The following CRADD variants were observed in gnomAD, a reference collection of about 807,000 sequenced individuals.
CRADD encodes death domain-containing protein CRADD.
Under a neutral mutation model 15.5 loss-of-function variants are expected in CRADD, and 9 were observed. That is an observed-to-expected ratio of 0.58 (90% confidence interval 0.35 to 1.01). The LOEUF (loss-of-function observed/expected upper bound fraction) is 1.01. CRADD is among the 50% of genes least tolerant of loss of function. The probability of loss-of-function intolerance (pLI) is 0.02; values close to 1 mark genes in which losing one functional copy is unlikely to be tolerated. For synonymous variants in CRADD, 118 were observed against 107.6 expected, an observed-to-expected ratio of 1.10 and a Z score of -0.60; for missense variants, 227 against 250.3, an observed-to-expected ratio of 0.91 and a Z score of 0.63.
chr12:93,751,811 C>T (rs1198382418), intron 2 of CRADD, among the ~76,000 whole-genome samples: 1 of 152,198 alleles, frequency 6.6e-6, no homozygotes, highest in East Asian at 1.9e-4. Context: ...TGTAGTGAGC[C>T]AGGATCGTGC....
chr12:93,862,320 C>T (rs1300522015), intron 2 of CRADD, among the ~76,000 whole-genome samples: 3 of 152,124 alleles, frequency 2.0e-5, no homozygotes, highest in African/African-American at 4.8e-5. Context: ...TATCATACAC[C>T]CCGAGGATAA....
At chr12:93,788,988 C>T (rs535809565) in intron 2 of CRADD, among the ~76,000 whole-genome samples, 8 of 152,062 alleles carry the variant, frequency 5.3e-5, no homozygotes, top group Non-Finnish European at 8.8e-5. Context: ...TTCTACAGTT[C>T]TTAGCTCTTT....
intron 2 of CRADD, among the ~76,000 whole-genome samples, chr12:93,731,316 C>G (rs1283596339): frequency 2.0e-5 from 3 of 152,130 alleles, no homozygotes; most frequent in Non-Finnish European, 4.4e-5. Flanking sequence ...AACATCTCAA[C>G]TTGAAGATTA....
chr12:93,724,656 G>A (rs1465944545), intron 2 of CRADD, among the ~76,000 whole-genome samples: 1 of 152,050 alleles, frequency 6.6e-6, no homozygotes, highest in African/African-American at 2.4e-5. Context: ...TTCTCTTTCA[G>A]GGTGCTGTTT....
At position 93,795,304 on chromosome 12, in the gene CRADD, C is replaced by T. The variant is rs1189668930; in HGVS notation, c.299-54666C>T. On this transcript the variant is annotated intron_variant, in intron 2 of 2. Transcript: ENST00000332896. ...GTGCAGTTTTATCCCACGCTTCTTCCCCATCCCTAAGTTCCTGCTCATCTG... is the reference window on the plus strand; with the variant it reads ...GTGCAGTTTTATCCCACGCTTCTTCTCCATCCCTAAGTTCCTGCTCATCTG... Among the ~76,000 whole-genome samples the T allele has an allele frequency of 2.0e-5, 3 of 152,270 alleles. No individual in the cohort carries two copies. In the East Asian group the frequency reaches 5.8e-4, roughly 29 times the overall value.
rs959747996 is a variant in CRADD at position 93,807,502 on chromosome 12, C to T, written c.299-42468C>T. On this transcript the variant is annotated intron_variant, in intron 2 of 2. Transcript: ENST00000332896. ...GGCAGCCAGCCCTCCAGCTGATGAC[C>T]AGAGACATTTATTATCTACCATGTG... Among the ~76,000 whole-genome samples the T allele has an allele frequency of 2.6e-5, 4 of 152,090 alleles. 1 individual carries two copies. The highest frequency in any genetic ancestry group is 4.1e-4 in the South Asian group (2 of 4,830).
At chr12:93,709,725 C>G (rs1297022340) in intron 2 of CRADD, among the ~76,000 whole-genome samples, 3 of 152,126 alleles carry the variant, frequency 2.0e-5, no homozygotes, top group African/African-American at 7.2e-5. Context: ...GGTGAACATT[C>G]ATGTGTGTGT....
At chr12:93,723,441 C>T (rs982670781) in intron 2 of CRADD, among the ~76,000 whole-genome samples, 24 of 152,136 alleles carry the variant, frequency 1.6e-4, no homozygotes, top group South Asian at 4.1e-4. Flanking sequence ...TCTTTTGGCC[C>T]GCACCCAGGA....
chr12:93,701,102 A>G (rs992375262), intron 2 of CRADD, among the ~76,000 whole-genome samples: 1 of 152,190 alleles, frequency 6.6e-6, no homozygotes, highest in African/African-American at 2.4e-5. Context: ...AATTAATTTC[A>G]GACATTTTTA....
downstream of CRADD, among the ~76,000 whole-genome samples, chr12:93,855,416 G>T (rs968284188): frequency 6.6e-6 from 1 of 152,176 alleles, no homozygotes; most frequent in Non-Finnish European, 1.5e-5. Flanking sequence ...GCAGGGAGGC[G>T]AAAAGATTAC....
rs369650011 is a variant in CRADD, at chr12:93,742,893, G to C, written c.298+63821G>C. On this transcript the variant is annotated intron_variant, in intron 2 of 2. Coordinates refer to ENST00000332896, the MANE Select transcript of CRADD (RefSeq NM_003805.5). ...GCGCTGGGTCCTTCCTTATCAGGAG[G>C]GGGGTCAGGCTGCCCTCCCATTCTC... is the stretch of plus-strand genomic sequence containing the variant. Among the ~76,000 whole-genome samples the C allele has an allele frequency of 1.6e-4, 25 of 152,052 alleles. 3 individuals are homozygous for C. Among genetic ancestry groups the C allele is most frequent in the Admixed American group, 1.4e-3 (21 of 15,294 alleles).
chr12:93,853,149 A>AT (rs996426899), downstream of CRADD, among the ~76,000 whole-genome samples: 32 of 151,258 alleles, frequency 2.1e-4, 1 homozygote, highest in South Asian at 1.0e-3. Context: ...TAATACACTT[A>AT]TTTTTTTTTG....
intron 2 of CRADD, among the ~76,000 whole-genome samples, chr12:93,806,169 G>A (rs1438853978): frequency 1.3e-5 from 2 of 151,972 alleles, no homozygotes; most frequent in South Asian, 2.1e-4. Flanking sequence ...AAACAAGAGA[G>A]GTGGCCGGGC....
Position 93,836,396 on chromosome 12 carries a change from C to G in CRADD, c.299-13574C>G, listed in dbSNP as rs191866496. Among the ~76,000 whole-genome samples the G allele has an allele frequency of 6.6e-5, 10 of 152,220 alleles. No individual in the cohort carries two copies. In the East Asian group the frequency reaches 1.7e-3, roughly 27 times the overall value. On this transcript the variant is annotated intron_variant, in intron 2 of 2. Transcript: ENST00000332896. ...CCTTAGGTGTTAGGGGATGGAGACT[C>G]TGGGGTCAGGCCTCACTCTGCCATA...
At chr12:93,827,615 G>A (rs141000047) in intron 2 of CRADD, among the ~76,000 whole-genome samples, 4 of 152,106 alleles carry the variant, frequency 2.6e-5, no homozygotes, top group Admixed American at 6.5e-5. Context: ...TATGTTTAAC[G>A]TGTTAAGTGA....
intron 2 of CRADD, chr12:93,831,364 C>G (rs968838313): frequency 2.0e-5 from 3 of 152,320 alleles, no homozygotes; most frequent in African/African-American, 7.2e-5. Context: ...ATAGCAAGAC[C>G]ATGTCTCTGA....
At position 93,811,204 on chromosome 12, in the gene CRADD, CTT is replaced by C. The variant is rs1232814990; in HGVS notation, c.299-38764_299-38763del. Among the ~76,000 whole-genome samples the C allele has an allele frequency of 6.6e-5, 10 of 152,336 alleles. No homozygotes were observed. The East Asian group carries it at 1.7e-3, about 26-fold the overall frequency. On this transcript the variant is annotated intron_variant, in intron 2 of 2. Coordinates refer to ENST00000332896, the MANE Select transcript of CRADD (RefSeq NM_003805.5). Reference sequence around the variant, plus strand: ...GCAAAGTTTAATAAGAGCAGGCTGTCTTTGCCTACAGCTAGAGTTGCATTGAG... The same window carrying C: ...GCAAAGTTTAATAAGAGCAGGCTGTCTGCCTACAGCTAGAGTTGCATTGAG...
intron 2 of CRADD, among the ~76,000 whole-genome samples, chr12:93,809,318 T>C (rs905958715): frequency 1.3e-5 from 2 of 152,240 alleles, no homozygotes; most frequent in African/African-American, 4.8e-5. Flanking sequence ...ATTCTTTTGC[T>C]GTGCATATAA....
intron 2 of CRADD, among the ~76,000 whole-genome samples, chr12:93,858,380 A>G (rs1397319441): frequency 1.3e-5 from 2 of 152,204 alleles, no homozygotes; most frequent in African/African-American, 4.8e-5. Context: ...AGAGTATGCA[A>G]AGCCTGTGTG....
Sources: gnomAD v4.1 joint callset for allele counts (sites outside exome capture counted in the v4.1 genomes callset) on GRCh38, gnomAD v4.1.1 for gene constraint, MANE v1.5 for transcripts, NCBI Gene and HGNC (gene_info 2026-07-23, HGNC 2026-07-21) for gene names.